The following CNTNAP2 variants were observed in gnomAD, a reference collection of about 807,000 sequenced individuals.
The protein encoded by CNTNAP2 is contactin associated protein 2.
CNTNAP2 carries 98 observed loss-of-function variants against 155.2 expected under a neutral mutation model. That is an observed-to-expected ratio of 0.63 (90% CI 0.54 to 0.75). CNTNAP2 has a LOEUF of 0.75. Among genes scored for constraint, CNTNAP2 ranks in the 30% least tolerant of loss-of-function variants. The pLI, the probability that CNTNAP2 is intolerant of heterozygous loss-of-function variation, is 0.00. For missense variants in CNTNAP2, 1,727 were observed against 1,688.1 expected, an observed-to-expected ratio of 1.02 and a Z score of -0.40; for synonymous variants, 651 against 631.2, an observed-to-expected ratio of 1.03 and a Z score of -0.47.
intron 8 of CNTNAP2, among the ~76,000 whole-genome samples, chr7:147,151,352 A>C (rs564398814): frequency 7.7e-4 from 117 of 152,222 alleles, no homozygotes; most frequent in African/African-American, 2.6e-3. Context: ...GAGTATAATT[A>C]CTCTTTTGTA....
chr7:147,952,107 T>C (rs1464821325), intron 14 of CNTNAP2, among the ~76,000 whole-genome samples: 2 of 151,868 alleles, frequency 1.3e-5, no homozygotes, highest in African/African-American at 2.4e-5. Context: ...GTTCAAAATA[T>C]AGAGCATGTT....
chr7:146,734,478 G>T (rs1227746829), intron 1 of CNTNAP2, among the ~76,000 whole-genome samples: 4 of 152,058 alleles, frequency 2.6e-5, no homozygotes, highest in African/African-American at 9.7e-5. Context: ...TCTATAAGAA[G>T]GAATGATGAT....
chr7:147,940,139 G>A lies in CNTNAP2; in HGVS notation c.2255+36418G>A, dbSNP rs139496490. 25 of 151,882 alleles carry A rather than the reference G, an allele frequency of 1.6e-4. 1 individual carries two copies. The East Asian group carries it at 4.7e-3, about 28-fold the overall frequency. The allele number at this position is 151,882 out of a possible 1,614,324, so 9.4% of individuals were successfully genotyped here. On this transcript the variant is annotated intron_variant, in intron 14 of 23. Coordinates refer to ENST00000361727, the MANE Select transcript of CNTNAP2 (RefSeq NM_014141.6). ...GTCGCACTAAGTTTGGCGTCAATAT[G>A]GTTAATTCCTGGGAGCGGGAATCAT...
chr7:146,231,198 G>A (rs1233184858), intron 1 of CNTNAP2, among the ~76,000 whole-genome samples: 1 of 152,038 alleles, frequency 6.6e-6, no homozygotes, highest in Non-Finnish European at 1.5e-5. Context: ...AATGTTTTTG[G>A]AAAATAGATA....
At chr7:148,092,193 A>G (rs1038634673) in intron 15 of CNTNAP2, among the ~76,000 whole-genome samples, 10 of 152,206 alleles carry the variant, frequency 6.6e-5, no homozygotes, top group Non-Finnish European at 1.3e-4. Flanking sequence ...CAGGTTTCCT[A>G]ATTCTTCCAC....
chr7:147,324,780 A>G (rs926876527), intron 9 of CNTNAP2, among the ~76,000 whole-genome samples: 1 of 150,898 alleles, frequency 6.6e-6, no homozygotes, highest in South Asian at 2.1e-4. Flanking sequence ...CTGGGGGGGC[A>G]TTTTGTTTTT....
chr7:146,883,454 A>C (rs1240892802), intron 3 of CNTNAP2, among the ~76,000 whole-genome samples: 1 of 152,174 alleles, frequency 6.6e-6, no homozygotes, highest in Non-Finnish European at 1.5e-5. Context: ...GAAGATTTAC[A>C]CATGTGTGTG....
chr7:146,652,453 C>T (rs1799931859), intron 1 of CNTNAP2, among the ~76,000 whole-genome samples: 1 of 152,104 alleles, frequency 6.6e-6, no homozygotes, highest in Non-Finnish European at 1.5e-5. Flanking sequence ...TCCTCTGAAA[C>T]TTTGAACAAG....
At chr7:146,600,340 T>G (rs1015846168) in intron 1 of CNTNAP2, among the ~76,000 whole-genome samples, 4 of 152,312 alleles carry the variant, frequency 2.6e-5, no homozygotes, top group South Asian at 4.1e-4. Flanking sequence ...TAAATAATCT[T>G]ATTTTTGTTC....
At chr7:146,120,752 C>T (rs1797549828) in intron 1 of CNTNAP2, among the ~76,000 whole-genome samples, 2 of 151,998 alleles carry the variant, frequency 1.3e-5, no homozygotes, top group Non-Finnish European at 2.9e-5. Context: ...TGATGAGATA[C>T]ACAAAGAGGC....
intron 9 of CNTNAP2, among the ~76,000 whole-genome samples, chr7:147,388,732 C>G (rs1421838514): frequency 6.6e-6 from 1 of 152,088 alleles, no homozygotes; most frequent in African/African-American, 2.4e-5. Context: ...AGGTGCACAC[C>G]ACCACACTTG....
chr7:146,714,610 T>C (rs1801155363), intron 1 of CNTNAP2, among the ~76,000 whole-genome samples: 2 of 152,158 alleles, frequency 1.3e-5, no homozygotes, highest in Middle Eastern at 3.2e-3. Context: ...CTATAGGAAA[T>C]AGAAATGTCC....
At chr7:147,852,473 G>A (rs534401205) in intron 13 of CNTNAP2, among the ~76,000 whole-genome samples, 2 of 152,120 alleles carry the variant, frequency 1.3e-5, no homozygotes, top group East Asian at 1.9e-4. Context: ...TCTTAATGTC[G>A]ACTCTTGACA....
At chr7:146,933,941 A>G (rs959576647) in intron 3 of CNTNAP2, among the ~76,000 whole-genome samples, 5 of 151,988 alleles carry the variant, frequency 3.3e-5, no homozygotes, top group Non-Finnish European at 7.4e-5. Context: ...TCAGGAAACA[A>G]CAGGTGCTGG....
chr7:146,376,574 C>T (rs1378225404), intron 1 of CNTNAP2, among the ~76,000 whole-genome samples: 2 of 151,984 alleles, frequency 1.3e-5, no homozygotes, highest in Non-Finnish European at 2.9e-5. Context: ...GTTATTTCAT[C>T]TGCATGTATT....
rs570257186 is a variant in CNTNAP2 at position 148,330,541 on chromosome 7, T to C, written c.3476-53108T>C. On this transcript the variant is annotated intron_variant, in intron 21 of 23. Coordinates refer to ENST00000361727, the MANE Select transcript of CNTNAP2 (RefSeq NM_014141.6). ...GGAGTGGATGGATGGAATGGATAGA[T>C]GGAGTGCACGGATGGATAGAGTGGA... Among the ~76,000 whole-genome samples, 343 of 144,512 alleles carry C rather than the reference T, an allele frequency of 2.4e-3. 8 individuals carry two copies. Among genetic ancestry groups the C allele is most frequent in the African/African-American group, 8.3e-3 (315 of 38,152 alleles). The allele number at this position is 144,512 out of a possible 152,430, so 94.8% of individuals were successfully genotyped here.
chr7:146,142,562 C>G (rs969299919), intron 1 of CNTNAP2, among the ~76,000 whole-genome samples: 1 of 152,150 alleles, frequency 6.6e-6, no homozygotes, highest in Non-Finnish European at 1.5e-5. Context: ...ATAGAAAAAT[C>G]TATTGATAGC....
At chr7:146,442,367 T>C (rs765950376) in intron 1 of CNTNAP2, among the ~76,000 whole-genome samples, 4 of 147,326 alleles carry the variant, frequency 2.7e-5, no homozygotes, top group Non-Finnish European at 5.9e-5. Context: ...CTAAATGTTA[T>C]GTGTGTTAGT....
intron 1 of CNTNAP2, among the ~76,000 whole-genome samples, chr7:146,569,100 G>A (rs1389605242): frequency 6.6e-6 from 1 of 151,888 alleles, no homozygotes; most frequent in Non-Finnish European, 1.5e-5. Context: ...CACCGCAAGG[G>A]CTGCCTCCCG....
Sources: gnomAD v4.1 joint callset for allele counts (sites outside exome capture counted in the v4.1 genomes callset) on GRCh38, gnomAD v4.1.1 for gene constraint, MANE v1.5 for transcripts, NCBI Gene and HGNC (gene_info 2026-07-23, HGNC 2026-07-21) for gene names.